Variants in CYSLTR2 observed in about 807,000 individuals in gnomAD.
CYSLTR2 encodes the protein G-protein coupled receptor GPCR21.
For synonymous variants in CYSLTR2, 179 were observed against 160.8 expected, an observed-to-expected ratio of 1.11 and a Z score of -0.86; for missense variants, 398 against 411.9, an observed-to-expected ratio of 0.97 and a Z score of 0.29.
intron 4 of CYSLTR2, among the ~76,000 whole-genome samples, chr13:48,698,187 C>T (rs1954245945): frequency 6.6e-6 from 1 of 152,120 alleles, no homozygotes; most frequent in African/African-American, 2.4e-5. Context: ...TAAGATACTC[C>T]TCGAGAAGAG....
At chr13:48,677,032 C>T (rs1457503499) in intron 1 of CYSLTR2, among the ~76,000 whole-genome samples, 1 of 152,080 alleles carries the variant, frequency 6.6e-6, no homozygotes, top group African/African-American at 2.4e-5. Context: ...GATGGGGCTC[C>T]AGTGGGTGTC....
chr13:48,707,347 G>A lies in CYSLTR2; in HGVS notation c.530G>A (p.Gly177Asp). The A allele has an allele frequency of 6.2e-7, 1 of 1,614,034 alleles. No homozygotes were observed. Among genetic ancestry groups the A allele is most frequent in the Non-Finnish European group, 8.5e-7 (1 of 1,180,030 alleles). Residue 177 changes from glycine (G) to aspartate (D), a missense_variant, in exon 5 of 5, where the codon GGC becomes GAC. Physicochemically the swap from Gly to Asp is moderately conservative, Grantham distance 94. Transcript: ENST00000682523. ...TCCTCAATAATGCTCCTGGACAGTG[G>A]CTCTGAGCAGAACGGCAGTGTCACA... is the stretch of plus-strand genomic sequence containing the variant. The part of the protein sequence containing the change: ...MASSIMLLDS[G>D]SEQNGSVTSC...
At chr13:48,700,648 T>A (rs951525235) in intron 4 of CYSLTR2, among the ~76,000 whole-genome samples, 4 of 152,176 alleles carry the variant, frequency 2.6e-5, no homozygotes, top group African/African-American at 9.7e-5. Context: ...TTCAACATAG[T>A]GTTGGACGTT....
intron 4 of CYSLTR2, among the ~76,000 whole-genome samples, chr13:48,698,594 T>C (rs1236520973): frequency 6.6e-6 from 1 of 152,192 alleles, no homozygotes; most frequent in Non-Finnish European, 1.5e-5. Context: ...CCATCAATGC[T>C]AGGAAGAAAC....
Position 48,668,486 on chromosome 13 carries a change from A to G in CYSLTR2, c.-266+14469A>G, listed in dbSNP as rs145345046. ...CTTGAAGAACAGTAAAATAATAACA[A>G]TAATACCAGTTTCATAGTTTCAAAG... On this transcript the variant is annotated intron_variant, in intron 1 of 4. Transcript: ENST00000682523. 4.9e-3 allele frequency among the ~76,000 whole-genome samples: 740 copies of G among 152,200 alleles called. 3 individuals carry two copies. Among genetic ancestry groups the G allele is most frequent in the Middle Eastern group, 0.014 (4 of 294 alleles).
intron 1 of CYSLTR2, among the ~76,000 whole-genome samples, chr13:48,668,235 A>G (rs1953317782): frequency 1.4e-5 from 2 of 140,138 alleles, no homozygotes; most frequent in Non-Finnish European, 3.1e-5. Context: ...CCATAGGGAT[A>G]AAAAAAAAAA....
Position 48,710,283 on chromosome 13 carries a change from T to C in CYSLTR2, c.*2425T>C, listed in dbSNP as rs1230817974. 6.6e-6 allele frequency: 1 copy of C among 152,220 alleles called. No homozygotes were observed. The highest frequency in any genetic ancestry group is 1.5e-5 in the Non-Finnish European group (1 of 68,034). The allele number at this position is 152,220 out of a possible 1,614,324, so 9.4% of individuals were successfully genotyped here. A position where few individuals can be genotyped will look rare whatever the true frequency, so the allele number is the denominator to read the frequency against. On this transcript the variant is annotated 3_prime_UTR_variant, in exon 5 of 5. Coordinates refer to ENST00000682523, the MANE Select transcript of CYSLTR2 (RefSeq NM_001308476.3). The stretch of plus-strand genomic sequence containing the variant: ...TGAGTAGCATGTTGAAATCTCGCAC[T>C]ATCACCCTCCACCCATGTTCTGGGC...
chr13:48,707,189 CA>C lies in CYSLTR2; in HGVS notation c.373del (p.Ser125ValfsTer5). The C allele has an allele frequency of 1.2e-6, 2 of 1,614,180 alleles. No individual in the cohort carries two copies. The highest frequency in any genetic ancestry group is 1.7e-6 in the Non-Finnish European group (2 of 1,180,032). ...SYSLYVNMYS[S>X]IYFLTVLSVV... ...ATTCCTTGTATGTCAACATGTACAG[CA>C]GTATTTATTTCCTGACCGTGCTGAG... On this transcript the variant is annotated frameshift_variant, in exon 5 of 5. Transcript: ENST00000682523. LOFTEE classifies it low-confidence loss of function (END_TRUNC).
chr13:48,693,097 G>T (rs1452141304), intron 2 of CYSLTR2, among the ~76,000 whole-genome samples: 1 of 151,308 alleles, frequency 6.6e-6, no homozygotes, highest in South Asian at 2.1e-4. Context: ...ATTCACTTTA[G>T]TTTAATACAA....
At chr13:48,655,463 G>A (rs1211361858) in intron 1 of CYSLTR2, among the ~76,000 whole-genome samples, 1 of 152,106 alleles carries the variant, frequency 6.6e-6, no homozygotes, top group African/African-American at 2.4e-5. Flanking sequence ...TTATGCCAGG[G>A]CTGCGTTCTG....
At chr13:48,706,701 G>T (rs1211771405) in intron 4 of CYSLTR2, 116 bp from the exon 5 acceptor site, 1 of 786,416 alleles carries the variant, frequency 1.3e-6, no homozygotes, top group Non-Finnish European at 2.0e-6. Flanking sequence ...AACTTTCAAA[G>T]AAAAGATAGT....
At position 48,706,869 on chromosome 13, in the gene CYSLTR2, G is replaced by A; in HGVS notation, c.52G>A (p.Glu18Lys). ...ACCATCCATCTCCGTATCAGAAATG[G>A]AACCAAATGGCACCTTCAGCAATAA... The part of the protein sequence containing the change: ...LQPSISVSEM[E>K]PNGTFSNNNS... Residue 18 changes from glutamate (E) to lysine (K), a missense_variant, in exon 5 of 5, where the codon GAA (glutamate) becomes AAA (lysine). Glu to Lys is a moderately conservative substitution (Grantham distance 56). Coordinates refer to ENST00000682523, the MANE Select transcript of CYSLTR2 (RefSeq NM_001308476.3). The A allele has an allele frequency of 6.2e-7, 1 of 1,614,102 alleles. No individual in the cohort carries two copies. Among genetic ancestry groups the A allele is most frequent in the Non-Finnish European group, 8.5e-7 (1 of 1,179,994 alleles).
Position 48,708,481 on chromosome 13 carries a change from G to A in CYSLTR2, c.*623G>A, listed in dbSNP as rs1319385145. ...ATTGGGAGAGAGGTTCTAACACACT[G>A]AAGGCAACCCTATTTCTACTGTTTC... is the stretch of plus-strand genomic sequence containing the variant. On this transcript the variant is annotated 3_prime_UTR_variant, in exon 5 of 5. Transcript: ENST00000682523. 6.0e-6 allele frequency: 1 copy of A among 167,160 alleles called. No individual in the cohort carries two copies. Among genetic ancestry groups the A allele is most frequent in the East Asian group, 1.9e-4 (1 of 5,208 alleles). The allele number at this position is 167,160 out of a possible 1,614,324, so 10.4% of individuals were successfully genotyped here. A position where few individuals can be genotyped will look rare whatever the true frequency, so the allele number is the denominator to read the frequency against.
At chr13:48,700,178 C>T (rs1284383854) in intron 4 of CYSLTR2, among the ~76,000 whole-genome samples, 3 of 152,168 alleles carry the variant, frequency 2.0e-5, no homozygotes, top group Non-Finnish European at 4.4e-5. Context: ...ATGAGGCCAA[C>T]ATCATCCTGA....
At position 48,682,245 on chromosome 13, in the gene CYSLTR2, T is replaced by C. The variant is rs1953775610; in HGVS notation, c.-265-8967T>C. Among the ~76,000 whole-genome samples the C allele has an allele frequency of 2.0e-5, 3 of 152,238 alleles. No individual in the cohort carries two copies. The South Asian group carries it at 6.2e-4, about 32-fold the overall frequency. On this transcript the variant is annotated intron_variant, in intron 1 of 4. Coordinates refer to ENST00000682523, the MANE Select transcript of CYSLTR2 (RefSeq NM_001308476.3). ...TGCCTGTACCACCTCTAGTATTCCA[T>C]TGGAGTACCTTCTGATTGTGCATTT...
At chr13:48,690,237 C>G (rs768976595) in intron 1 of CYSLTR2, among the ~76,000 whole-genome samples, 15 of 151,986 alleles carry the variant, frequency 9.9e-5, no homozygotes, top group South Asian at 2.1e-4. Context: ...ATTTGGATAC[C>G]CTTTATTTCT....
chr13:48,674,420 A>T (rs1470903920), intron 1 of CYSLTR2, among the ~76,000 whole-genome samples: 1 of 152,030 alleles, frequency 6.6e-6, no homozygotes, highest in Non-Finnish European at 1.5e-5. Context: ...TCTGCTATTG[A>T]TACTTGTATA....
chr13:48,672,615 TC>T (rs1218042463), intron 1 of CYSLTR2, among the ~76,000 whole-genome samples: 13 of 113,156 alleles, frequency 1.1e-4, no homozygotes, highest in Non-Finnish European at 1.8e-4. Context: ...TCTTTTCTTT[TC>T]TTTTTTTTTT....
At chr13:48,673,169 T>C (rs911177830) in intron 1 of CYSLTR2, among the ~76,000 whole-genome samples, 1 of 152,176 alleles carries the variant, frequency 6.6e-6, no homozygotes, top group Non-Finnish European at 1.5e-5. Flanking sequence ...TTGTTAATTT[T>C]CTGTCTCATT....
Sources: gnomAD v4.1 joint callset for allele counts (sites outside exome capture counted in the v4.1 genomes callset) on GRCh38, gnomAD v4.1.1 for gene constraint, MANE v1.5 for transcripts, NCBI Gene and HGNC (gene_info 2026-07-23, HGNC 2026-07-21) for gene names.